The following FHIP2A variants were observed in gnomAD, a reference collection of about 807,000 sequenced individuals.
The protein encoded by FHIP2A is FHF complex subunit HOOK interacting protein 2A, also known as family with sequence similarity 160 member B1.
A neutral mutation model predicts 93.5 loss-of-function variants in FHIP2A; 46 were observed. That is an observed-to-expected ratio of 0.49 (90% CI 0.39 to 0.63). The LOEUF (loss-of-function observed/expected upper bound fraction) is 0.63, where lower values mean the gene tolerates loss of function less well. FHIP2A is among the 20% of genes least tolerant of loss of function. The pLI, the probability that FHIP2A is intolerant of heterozygous loss-of-function variation, is 0.00. For missense variants in FHIP2A, 769 were observed against 909.7 expected (o/e 0.85, Z 1.99); for synonymous variants, 332 against 326.5 (o/e 1.02, Z -0.18).
Position 114,836,228 on chromosome 10 carries a change from G to T in FHIP2A, c.504G>T (p.Leu168=). ...CGAAGCTGAAACAGGACCCCTACCTGGTTAACTTTTTCCTAGAGGTATGAT... is the reference window on the plus strand; with the variant it reads ...CGAAGCTGAAACAGGACCCCTACCTTGTTAACTTTTTCCTAGAGGTATGAT... ...VCAKLKQDPY[L]VNFFLENKMK... Residue 168 remains leucine, a synonymous_variant, in exon 5 of 17, where the codon CTG becomes CTT. Transcript: ENST00000369248. The T allele has an allele frequency of 1.9e-6, 3 of 1,592,396 alleles. No individual in the cohort carries two copies. The highest frequency in any genetic ancestry group is 2.6e-6 in the Non-Finnish European group (3 of 1,165,424).
chr10:114,836,867 T>G (rs1209510252), intron 5 of FHIP2A, among the ~76,000 whole-genome samples: 1 of 152,236 alleles, frequency 6.6e-6, no homozygotes, highest in Non-Finnish European at 1.5e-5. Flanking sequence ...AAAATGATTA[T>G]GTTGTTTTTG....
chr10:114,833,677 T>G, intron 3 of FHIP2A, among the ~76,000 whole-genome samples: 1 of 151,562 alleles, frequency 6.6e-6, no homozygotes, highest in East Asian at 1.9e-4. Flanking sequence ...GAGCTCAGAA[T>G]AAAAAAAAGA....
chr10:114,822,274 G>A (rs1425332094), intron 1 of FHIP2A, 151 bp downstream of exon 1: 2 of 249,622 alleles, frequency 8.0e-6, no homozygotes, highest in African/African-American at 4.6e-5. Context: ...CGCCCTGGGC[G>A]GCCGCCGGGT....
chr10:114,855,682 C>T (rs1039288552), intron 14 of FHIP2A, among the ~76,000 whole-genome samples: 1 of 152,152 alleles, frequency 6.6e-6, no homozygotes, highest in Non-Finnish European at 1.5e-5. Flanking sequence ...TACAGATGCT[C>T]AATTTGGAAG....
intron 16 of FHIP2A, among the ~76,000 whole-genome samples, chr10:114,882,228 G>T (rs2083920581): frequency 6.6e-6 from 1 of 152,172 alleles, no homozygotes; most frequent in South Asian, 2.1e-4. Flanking sequence ...CCTAAGGCAG[G>T]CACCTCTCAG....
intron 5 of FHIP2A, among the ~76,000 whole-genome samples, chr10:114,839,175 C>T (rs759962370): frequency 3.7e-4 from 56 of 152,104 alleles, no homozygotes; most frequent in African/African-American, 1.1e-3. Flanking sequence ...TCACCCAGGC[C>T]GTAGTGCAGT....
intron 16 of FHIP2A, among the ~76,000 whole-genome samples, chr10:114,871,035 CACATACATAT>C (rs1450354618): frequency 6.7e-6 from 1 of 150,360 alleles, no homozygotes; most frequent in Non-Finnish European, 1.5e-5. Context: ...TATATATATA[CACATACATAT>C]ACATACATAT....
At chr10:114,888,677 A>T (rs1464129288) in intron 16 of FHIP2A, among the ~76,000 whole-genome samples, 12 of 152,024 alleles carry the variant, frequency 7.9e-5, no homozygotes. Flanking sequence ...ATCTTAGCTC[A>T]CTGCAAACTC....
At chr10:114,859,127 GA>G (rs1346592112) in intron 14 of FHIP2A, among the ~76,000 whole-genome samples, 1 of 151,244 alleles carries the variant, frequency 6.6e-6, no homozygotes, top group Non-Finnish European at 1.5e-5. Context: ...GCTAGGTTTT[GA>G]AAAAAAATAA....
intron 16 of FHIP2A, among the ~76,000 whole-genome samples, chr10:114,882,992 G>A (rs1186955349): frequency 6.6e-6 from 1 of 152,160 alleles, no homozygotes; most frequent in Non-Finnish European, 1.5e-5. Context: ...AGGCGGGAAA[G>A]AGCAGCCAGG....
In FHIP2A at chr10:114,863,838, C is replaced by T; in HGVS notation, c.*2298C>T. ...CCGTCATAACAATTGATTGCCATAG[C>T]AAGTTCCAAAGTGAATTTCAGCCTT... On this transcript the variant is annotated 3_prime_UTR_variant, in exon 17 of 17. Transcript: ENST00000369248. The T allele has an allele frequency of 9.5e-7, 1 of 1,048,662 alleles. No homozygotes were observed. The highest frequency in any genetic ancestry group is 1.2e-6 in the Non-Finnish European group (1 of 860,784). 65.0% of individuals were successfully genotyped at this position (1,048,662 alleles called of 1,614,324 possible). A position where few individuals can be genotyped will look rare whatever the true frequency, so the allele number is the denominator to read the frequency against.
intron 1 of FHIP2A, among the ~76,000 whole-genome samples, chr10:114,829,207 T>C (rs2083594043): frequency 1.3e-5 from 2 of 152,378 alleles, no homozygotes; most frequent in South Asian, 4.1e-4. Flanking sequence ...TTTCTAGTTA[T>C]TAATTGATCA....
At chr10:114,830,777 A>T in intron 1 of FHIP2A, 75 bp from the exon 2 acceptor site, 1 of 947,116 alleles carries the variant, frequency 1.1e-6, no homozygotes, top group East Asian at 2.5e-5. Context: ...ATTGTAATAG[A>T]TAAATACAGA....
intron 12 of FHIP2A, among the ~76,000 whole-genome samples, chr10:114,847,692 A>C (rs1205762265): frequency 6.6e-6 from 1 of 152,076 alleles, no homozygotes; most frequent in Non-Finnish European, 1.5e-5. Context: ...ATACTAAGAG[A>C]AAAGCTCTAC....
At chr10:114,829,650 A>G (rs1399407248) in intron 1 of FHIP2A, among the ~76,000 whole-genome samples, 1 of 152,302 alleles carries the variant, frequency 6.6e-6, no homozygotes, top group African/African-American at 2.4e-5. Flanking sequence ...CGTGTGACTA[A>G]GAATGCCTAA....
chr10:114,898,277 A>G (rs1327025436), intron 16 of FHIP2A, among the ~76,000 whole-genome samples: 2 of 152,272 alleles, frequency 1.3e-5, no homozygotes, highest in East Asian at 3.9e-4. Flanking sequence ...TGCAGGTGCA[A>G]GAGGCTTCTT....
At chr10:114,846,424 G>A (rs2083701611) in intron 10 of FHIP2A, 57 bp downstream of exon 10, 1 of 1,504,624 alleles carries the variant, frequency 6.6e-7, no homozygotes, top group South Asian at 1.2e-5. Flanking sequence ...CGGTTTTAAT[G>A]TATTATACTT....
rs2143010493 is a variant in FHIP2A at position 114,836,861 on chromosome 10, T to C, written c.522+615T>C. ...TCATTTTGGAATATTTTAGAAAAAA[T>C]GATTATGTTGTTTTTGTCCTTGTTT... On this transcript the variant is annotated intron_variant, in intron 5 of 16. Coordinates refer to ENST00000369248, the MANE Select transcript of FHIP2A (RefSeq NM_020940.4). Among the ~76,000 whole-genome samples, 3 of 152,304 alleles carry C rather than the reference T, an allele frequency of 2.0e-5. No homozygotes were observed. In the Middle Eastern group the frequency reaches 0.01, roughly 518 times the overall value.
chr10:114,837,813 A>G (rs58587374), intron 5 of FHIP2A, among the ~76,000 whole-genome samples: 62,175 of 152,114 alleles, frequency 0.41, 13,317 homozygotes, highest in Non-Finnish European at 0.48. Flanking sequence ...GGCTTTTAAA[A>G]TTAGCTTATT....
Sources: gnomAD v4.1 joint callset for allele counts (sites outside exome capture counted in the v4.1 genomes callset) on GRCh38, gnomAD v4.1.1 for gene constraint, MANE v1.5 for transcripts, NCBI Gene and HGNC (gene_info 2026-07-23, HGNC 2026-07-21) for gene names.